Variants in TPST1 observed in about 807,000 individuals in gnomAD.
TPST1 encodes the protein tyrosylprotein sulfotransferase 1, also known as protein-tyrosine sulfotransferase 1.
TPST1 carries 20 observed loss-of-function variants against 34.8 expected under a neutral mutation model. The observed-to-expected ratio is 0.57, with a 90% CI of 0.40 to 0.84. TPST1 has a LOEUF of 0.84. TPST1 is among the 40% of genes least tolerant of loss of function. TPST1 has a pLI of 0.00. For missense variants in TPST1, 353 were observed against 455.5 expected (o/e 0.78, Z 2.05); for synonymous variants, 152 against 159.4 (o/e 0.95, Z 0.35).
At position 66,247,516 on chromosome 7, in the gene TPST1, G is replaced by A. The variant is rs1168300521; in HGVS notation, c.845+6246G>A. On this transcript the variant is annotated intron_variant, in intron 2 of 5. Coordinates refer to ENST00000304842, the MANE Select transcript of TPST1 (RefSeq NM_003596.4). ...TCAGAGAGGTCATCTTGGGCAATGT[G>A]TCATGAAACTGAGCCCTAAAGAAGG... Among the ~76,000 whole-genome samples, 5 of 152,182 alleles carry A rather than the reference G, an allele frequency of 3.3e-5. No homozygotes were observed. In the East Asian group the frequency reaches 9.6e-4, roughly 29 times the overall value.
At chr7:66,199,351 GT>G in the TPST1 span, among the ~76,000 whole-genome samples, 1 of 146,694 alleles carries the variant, frequency 6.8e-6, no homozygotes, top group African/African-American at 2.5e-5. Context: ...CTGGAGTGCA[GT>G]GGTGCAATCT....
chr7:66,203,826 G>A (rs1294621947), upstream of TPST1, among the ~76,000 whole-genome samples: 2 of 152,104 alleles, frequency 1.3e-5, no homozygotes, highest in African/African-American at 2.4e-5. Flanking sequence ...GCAGCATCAT[G>A]TATAATAGCC....
chr7:66,217,590 ATTTGTTTG>A (rs987673484), intron 1 of TPST1, among the ~76,000 whole-genome samples: 4 of 151,380 alleles, frequency 2.6e-5, no homozygotes, highest in Non-Finnish European at 4.4e-5. Flanking sequence ...TTATTTATTT[ATTTGTTTG>A]TTTGTTTGTT....
chr7:66,255,030 C>G (rs905740482), intron 2 of TPST1, among the ~76,000 whole-genome samples: 4 of 151,662 alleles, frequency 2.6e-5, no homozygotes, highest in Admixed American at 6.6e-5. Context: ...GCCTGTAGTC[C>G]CAGCTACTCG....
intron 3 of TPST1, among the ~76,000 whole-genome samples, chr7:66,310,381 A>C (rs1303505163): frequency 2.6e-5 from 4 of 152,348 alleles, no homozygotes; most frequent in African/African-American, 7.2e-5. Flanking sequence ...AAGGAAGATT[A>C]GGGCAGAGGC....
chr7:66,199,955 C>T, the TPST1 span, among the ~76,000 whole-genome samples: 1,155 of 151,944 alleles, frequency 7.6e-3, 17 homozygotes, highest in African/African-American at 0.026. Context: ...TGGTCTTGAT[C>T]TCCTCACCTC....
At chr7:66,273,372 A>G (rs888571284) in intron 2 of TPST1, among the ~76,000 whole-genome samples, 6 of 152,226 alleles carry the variant, frequency 3.9e-5, no homozygotes, top group South Asian at 2.1e-4. Context: ...ATAGATTTCA[A>G]TACAATCCCT....
chr7:66,266,331 A>C (rs1004281875), intron 2 of TPST1, among the ~76,000 whole-genome samples: 1 of 152,206 alleles, frequency 6.6e-6, no homozygotes, highest in Non-Finnish European at 1.5e-5. Flanking sequence ...AATGCAGTTT[A>C]AAACCACAGT....
At chr7:66,325,827 G>A (rs944003796) in intron 3 of TPST1, among the ~76,000 whole-genome samples, 3 of 152,008 alleles carry the variant, frequency 2.0e-5, no homozygotes, top group Non-Finnish European at 2.9e-5. Flanking sequence ...GTAGAGACAG[G>A]GTTTCACCAT....
At chr7:66,335,093 G>T (rs1308426046) in intron 3 of TPST1, among the ~76,000 whole-genome samples, 1 of 152,198 alleles carries the variant, frequency 6.6e-6, no homozygotes, top group Non-Finnish European at 1.5e-5. Flanking sequence ...GGGAAGGCCT[G>T]AATCCCTGGT....
chr7:66,206,206 G>A (rs1348007126), intron 1 of TPST1, among the ~76,000 whole-genome samples: 1 of 145,086 alleles, frequency 6.9e-6, no homozygotes, highest in Non-Finnish European at 1.5e-5. Flanking sequence ...CTATCCTTCT[G>A]CCTCGGCCTC....
At chr7:66,255,078 C>T (rs577068228) in intron 2 of TPST1, among the ~76,000 whole-genome samples, 53 of 141,858 alleles carry the variant, frequency 3.7e-4, no homozygotes, top group African/African-American at 1.3e-3. Context: ...ACCCAGGAGG[C>T]GGAGCTTGCA....
chr7:66,216,039 G>T lies in TPST1; in HGVS notation c.-102+10517G>T, dbSNP rs1789402537. Among the ~76,000 whole-genome samples, 4 of 151,888 alleles carry T rather than the reference G, an allele frequency of 2.6e-5. No homozygotes were observed. In the South Asian group the frequency reaches 8.3e-4, roughly 32 times the overall value. On this transcript the variant is annotated intron_variant, in intron 1 of 5. Coordinates refer to ENST00000304842, the MANE Select transcript of TPST1 (RefSeq NM_003596.4). ...GCCCGCCTTGGCCTCCCAAAGTGCT[G>T]GGATGTGAGCCACCGCGCCCGGCCA...
rs879645026 is a variant in TPST1, at chr7:66,311,100, A to AT, written c.1044+24401dup. Among the ~76,000 whole-genome samples, 18 of 148,412 alleles carry AT rather than the reference A, an allele frequency of 1.2e-4. No homozygotes were observed. In the East Asian group the frequency reaches 2.6e-3, roughly 21 times the overall value. ...AAATTCATTTCCTCAACTTGGCAGGATTTTTTTTTTCCCCTATTGAAGTAT... is the reference window on the plus strand; with the variant it reads ...AAATTCATTTCCTCAACTTGGCAGGATTTTTTTTTTTCCCCTATTGAAGTAT... On this transcript the variant is annotated intron_variant, in intron 3 of 5. Transcript: ENST00000304842.
At chr7:66,203,860 T>C (rs1313336955), upstream of TPST1, among the ~76,000 whole-genome samples, 1 of 152,034 alleles carries the variant, frequency 6.6e-6, no homozygotes, top group African/African-American at 2.4e-5. Flanking sequence ...CAGATGTCCA[T>C]CAATGGATTA....
At chr7:66,237,445 G>A (rs77201596) in intron 1 of TPST1, among the ~76,000 whole-genome samples, 10 of 152,186 alleles carry the variant, frequency 6.6e-5, no homozygotes, top group African/African-American at 2.4e-4. Flanking sequence ...GGTTTTTGGG[G>A]AGAGGAATTA....
intron 3 of TPST1, among the ~76,000 whole-genome samples, chr7:66,300,754 T>A (rs1791298044): frequency 6.6e-6 from 1 of 152,148 alleles, no homozygotes; most frequent in Non-Finnish European, 1.5e-5. Flanking sequence ...AAGACCAGCC[T>A]GGCCAACATG....
At chr7:66,231,024 C>T (rs1464282177) in intron 1 of TPST1, among the ~76,000 whole-genome samples, 15 of 140,774 alleles carry the variant, frequency 1.1e-4, no homozygotes, top group African/African-American at 2.1e-4. Context: ...CTGATTGGTG[C>T]GTTTACAAAC....
At chr7:66,239,924 T>C (rs991365320) in intron 1 of TPST1, among the ~76,000 whole-genome samples, 4 of 152,142 alleles carry the variant, frequency 2.6e-5, no homozygotes, top group African/African-American at 9.7e-5. Flanking sequence ...CTTTGTTGCC[T>C]AGGCTGGAGT....
Sources: allele counts gnomAD v4.1 joint callset (sites outside exome capture counted in the v4.1 genomes callset), GRCh38; gene constraint gnomAD v4.1.1; transcripts MANE v1.5; gene names NCBI Gene and HGNC (gene_info 2026-07-23, HGNC 2026-07-21).